Variants in OGT observed in about 807,000 individuals in gnomAD.
OGT encodes the protein UDP-N-acetylglucosamine--peptide N-acetylglucosaminyltransferase 110 kDa subunit.
Under a neutral mutation model 75.8 loss-of-function variants are expected in OGT, and 3 were observed. The ratio of observed to expected loss-of-function variants is 0.04; its 90% CI spans 0.02 to 0.10. OGT has a LOEUF of 0.10. Ranked by LOEUF, OGT falls within the 10% of genes least tolerant of loss-of-function variation. The pLI is 1.00. For synonymous variants in OGT, 257 were observed against 289.7 expected (o/e 0.89, Z 1.15); for missense variants, 260 against 824.4 (o/e 0.32, Z 8.38).
chrX:71,568,851 CA>C lies in OGT; in HGVS notation c.2966+738del, dbSNP rs201934422. The stretch of plus-strand genomic sequence containing the variant: ...TCAAAAACAAAAACAAAAACAAAAA[CA>C]AACAAACAAAAAAAAAACCAAACAA... On this transcript the variant is annotated intron_variant, in intron 21 of 21. Transcript: ENST00000373719. Among the ~76,000 whole-genome samples the C allele has an allele frequency of 7.7e-3, 785 of 102,010 alleles. 8 individuals are homozygous for C. Among genetic ancestry groups the C allele is most frequent in the African/African-American group, 0.028 (750 of 27,141 alleles). The allele number at this position is 102,010 out of a possible 115,157, so 88.6% of individuals were successfully genotyped here.
chrX:71,568,859 C>A (rs750218748), intron 21 of OGT, among the ~76,000 whole-genome samples: 2,908 of 99,901 alleles, frequency 0.029, 99 homozygotes, highest in African/African-American at 0.1. Context: ...AACAAACAAA[C>A]AAAAAAAAAA....
At chrX:71,536,144 C>T in intron 1 of OGT, 34 bp from the exon 2 acceptor site, 2 of 1,128,748 alleles carry the variant, frequency 1.8e-6, no homozygotes, top group Non-Finnish European at 2.4e-6. Flanking sequence ...TGTTTTCCCC[C>T]CTCCTTCCCT....
At chrX:71,536,475 C>A in intron 2 of OGT, 117 bp downstream of exon 2, 2 of 534,152 alleles carry the variant, frequency 3.7e-6, no homozygotes, top group Non-Finnish European at 2.8e-6. Flanking sequence ...ACTGAGCCGC[C>A]AACGCACATC....
chrX:71,536,394 C>T, intron 2 of OGT, 36 bp downstream of exon 2: 2 of 1,035,983 alleles, frequency 1.9e-6, no homozygotes, highest in Non-Finnish European at 1.3e-6. Context: ...GTGATTGCTG[C>T]CTCTGGGTGC....
chrX:71,537,058 C>T, intron 2 of OGT: 1 of 167,434 alleles, frequency 6.0e-6, no homozygotes. Flanking sequence ...AACTCTGCCT[C>T]CTGGGTTCAA....
intron 21 of OGT, among the ~76,000 whole-genome samples, chrX:71,573,043 T>C (rs2040469188): frequency 8.9e-6 from 1 of 112,316 alleles, no homozygotes; most frequent in South Asian, 3.6e-4. Flanking sequence ...GTAGACTTAT[T>C]GTATTTCTTT....
intron 12 of OGT, among the ~76,000 whole-genome samples, chrX:71,558,914 C>T (rs923395436): frequency 6.8e-5 from 7 of 103,210 alleles, no homozygotes; most frequent in African/African-American, 2.5e-4. Flanking sequence ...GCTGGGACTA[C>T]AAGCATGTGC....
intron 21 of OGT, among the ~76,000 whole-genome samples, chrX:71,572,939 T>A (rs1203096462): frequency 8.9e-6 from 1 of 111,925 alleles, no homozygotes; most frequent in Admixed American, 9.5e-5. Flanking sequence ...CAATTACTTC[T>A]TTTTTATTTT....
intron 9 of OGT, 36 bp downstream of exon 9, chrX:71,556,816 T>C (rs977479043): frequency 1.9e-6 from 2 of 1,042,393 alleles, no homozygotes; most frequent in Admixed American, 3.0e-5. Context: ...TTAAAATTAT[T>C]TTTAATTTTA....
chrX:71,558,679 T>A (rs2040360104), intron 12 of OGT, among the ~76,000 whole-genome samples: 2 of 110,738 alleles, frequency 1.8e-5, no homozygotes, highest in Admixed American at 1.9e-4. Flanking sequence ...TTAGAAAATG[T>A]TTCCCTATAG....
chrX:71,564,394 T>C (rs2040403170), intron 18 of OGT, among the ~76,000 whole-genome samples: 1 of 112,080 alleles, frequency 8.9e-6, no homozygotes, highest in Non-Finnish European at 1.9e-5. Context: ...TGAGACCTTT[T>C]TTGGTTAGAG....
intron 19 of OGT, 38 bp downstream of exon 19, chrX:71,564,791 T>G: frequency 9.6e-7 from 1 of 1,044,157 alleles, no homozygotes; most frequent in Non-Finnish European, 1.3e-6. Context: ...ATAAAGATTT[T>G]GTATCTAGAG....
intron 18 of OGT, among the ~76,000 whole-genome samples, 182 bp downstream of exon 18, chrX:71,563,681 CA>C (rs2040398870): frequency 8.9e-6 from 1 of 112,041 alleles, no homozygotes; most frequent in African/African-American, 3.2e-5. Flanking sequence ...TGGATTCAGC[CA>C]GCAGATTATT....
At position 71,557,501 on chromosome X, in the gene OGT, T is replaced by C. The variant is rs2040350819; in HGVS notation, c.1431T>C (p.Cys477=). 8.3e-7 allele frequency: 1 copy of C among 1,206,090 alleles called. No individual in the cohort carries two copies. The highest frequency in any genetic ancestry group is 1.1e-6 in the Non-Finnish European group (1 of 893,580). The part of the protein sequence containing the change: ...CNLAHCLQIV[C]DWTDYDERMK... ...GTTTTTGCTTTCTCTAGATTGTCTG[T>C]GATTGGACAGACTATGATGAGCGAA... The change falls in exon 12 of 22, where the codon TGT becomes TGC. Residue 477 remains cysteine, a synonymous_variant. Coordinates refer to ENST00000373719, the MANE Select transcript of OGT (RefSeq NM_181672.3).
chrX:71,536,174 C>T lies in OGT; in HGVS notation c.38-4C>T. 3 of 1,194,915 alleles carry T rather than the reference C, an allele frequency of 2.5e-6. No homozygotes were observed. Among genetic ancestry groups the T allele is most frequent in the Non-Finnish European group, 3.4e-6 (3 of 887,234 alleles). On this transcript the variant is annotated splice_region_variant and splice_polypyrimidine_tract_variant and intron_variant, in intron 1 of 21. Transcript: ENST00000373719. The stretch of plus-strand genomic sequence containing the variant: ...TTCCCTCAAATGTTTTGATGATTCT[C>T]CAGAACCAACGAAACGTATGCTTTC...
intron 4 of OGT, chrX:71,546,825 C>T (rs1179041966): frequency 2.7e-6 from 2 of 754,177 alleles, no homozygotes; most frequent in Non-Finnish European, 3.1e-6. Context: ...ATGCGCATTG[C>T]GTGCGAATGA....
At chrX:71,539,589 C>T (rs1025183738) in intron 3 of OGT, among the ~76,000 whole-genome samples, 2 of 112,030 alleles carry the variant, frequency 1.8e-5, no homozygotes, top group Non-Finnish European at 3.8e-5. Context: ...TTTTCTGAGA[C>T]ACTCAGTGTA....
chrX:71,563,567 T>G, intron 18 of OGT, 68 bp downstream of exon 18: 1 of 872,916 alleles, frequency 1.1e-6, no homozygotes, highest in Non-Finnish European at 1.6e-6. Flanking sequence ...AACCTCATGA[T>G]AACTCTAGGA....
intron 5 of OGT, among the ~76,000 whole-genome samples, chrX:71,552,051 TACAAA>T (rs1569427005): frequency 9.4e-6 from 1 of 106,384 alleles, no homozygotes; most frequent in Non-Finnish European, 1.9e-5. Context: ...CTACTCAAAA[TACAAA>T]AGAAAAAAAA....
Sources: gnomAD v4.1 joint callset for allele counts (sites outside exome capture counted in the v4.1 genomes callset) on GRCh38, gnomAD v4.1.1 for gene constraint, MANE v1.5 for transcripts, NCBI Gene and HGNC (gene_info 2026-07-23, HGNC 2026-07-21) for gene names.